Variants in BIRC6 observed in about 807,000 individuals in gnomAD.
BIRC6 encodes dual E2 ubiquitin-conjugating enzyme/E3 ubiquitin-protein ligase BIRC6.
A neutral mutation model predicts 503.3 loss-of-function variants in BIRC6; 98 were observed. That is an observed-to-expected ratio of 0.19 (90% CI 0.17 to 0.23). The LOEUF (loss-of-function observed/expected upper bound fraction) is 0.23, where lower values mean the gene tolerates loss of function less well. BIRC6 is among the 10% of genes least tolerant of loss of function. The pLI, the probability that BIRC6 is intolerant of heterozygous loss-of-function variation, is 1.00. For synonymous variants in BIRC6, 2,240 were observed against 2,078.7 expected (o/e 1.08, Z -2.11); for missense variants, 5,360 against 5,806.0 (o/e 0.92, Z 2.50).
At chr2:32,458,359 C>T (rs1030599740) in intron 23 of BIRC6, among the ~76,000 whole-genome samples, 2 of 152,104 alleles carry the variant, frequency 1.3e-5, no homozygotes, top group African/African-American at 4.8e-5. Flanking sequence ...AGGGAAATAG[C>T]CAGTTAACTC....
intron 10 of BIRC6, among the ~76,000 whole-genome samples, chr2:32,422,578 A>G (rs1204814655): frequency 6.6e-6 from 1 of 152,144 alleles, no homozygotes; most frequent in Non-Finnish European, 1.5e-5. Flanking sequence ...CCTACAGATA[A>G]TTGTTACTCA....
intron 21 of BIRC6, among the ~76,000 whole-genome samples, chr2:32,447,537 T>C (rs2046175941): frequency 9.4e-6 from 1 of 106,436 alleles, no homozygotes; most frequent in Non-Finnish European, 1.9e-5. Context: ...GGTCCTCACT[T>C]CCCAGTAGGG....
chr2:32,558,681 A>C (rs1348775275), intron 65 of BIRC6: 1 of 152,236 alleles, frequency 6.6e-6, no homozygotes, highest in East Asian at 1.9e-4. Context: ...GTAAAGTGTT[A>C]TCAGATATGT....
At chr2:32,571,494 G>A (rs1463478150) in intron 65 of BIRC6, among the ~76,000 whole-genome samples, 2 of 148,298 alleles carry the variant, frequency 1.3e-5, no homozygotes, top group East Asian at 2.0e-4. Flanking sequence ...TCAGGAGGTT[G>A]TATGTTTCCA....
At chr2:32,409,846 TTAGAAATTCTGAAATAGGTAGAG>T (rs2041658387) in intron 9 of BIRC6, among the ~76,000 whole-genome samples, 1 of 152,192 alleles carries the variant, frequency 6.6e-6, no homozygotes, top group South Asian at 2.1e-4. Flanking sequence ...CTAGTAGGTT[TTAGAAATTCTGAAATAGGTAGAG>T]TTGACAAGTT....
chr2:32,471,476 T>C (rs2049092869), intron 32 of BIRC6, among the ~76,000 whole-genome samples: 1 of 152,190 alleles, frequency 6.6e-6, no homozygotes, highest in Non-Finnish European at 1.5e-5. Context: ...TTTCTTAGTA[T>C]GATGTGTCAT....
At chr2:32,510,704 C>A in intron 53 of BIRC6, 70 bp downstream of exon 53, 2 of 1,086,682 alleles carry the variant, frequency 1.8e-6, no homozygotes, top group South Asian at 2.6e-5. Flanking sequence ...ATGTTTCTGA[C>A]AGTTTTTCCT....
At chr2:32,429,356 T>C (rs2043856100) in intron 11 of BIRC6, 61 bp downstream of exon 11, 1 of 1,254,644 alleles carries the variant, frequency 8.0e-7, no homozygotes, top group Non-Finnish European at 1.1e-6. Context: ...ATCATTTTTC[T>C]AGTTGTTGGA....
intron 66 of BIRC6, among the ~76,000 whole-genome samples, chr2:32,591,816 G>T (rs888082682): frequency 6.6e-6 from 1 of 152,076 alleles, no homozygotes; most frequent in African/African-American, 2.4e-5. Flanking sequence ...GTCAAGACCT[G>T]GTAATAGAGA....
chr2:32,607,691 A>G (rs774233743), intron 72 of BIRC6, 48 bp downstream of exon 72: 11 of 1,499,556 alleles, frequency 7.3e-6, no homozygotes, highest in Admixed American at 1.9e-5. Flanking sequence ...ACATTTTACA[A>G]TATAGGCTGG....
chr2:32,401,613 G>A lies in BIRC6; in HGVS notation c.1408G>A (p.Glu470Lys). The A allele has an allele frequency of 1.9e-6, 3 of 1,612,894 alleles. No individual in the cohort carries two copies. Among genetic ancestry groups the A allele is most frequent in the Non-Finnish European group, 2.5e-6 (3 of 1,179,600 alleles). ...SSSCSDIPKLEGDSDDLLEDS... is the reference protein window; with the variant it reads ...SSSCSDIPKLKGDSDDLLEDS... ...TAGTTGCTCAGATATACCAAAATTG[G>A]AAGGAGATAGGTATGTGAGTTTGTT... The change falls in exon 8 of 74, where the codon GAA (glutamate) becomes AAA (lysine). Residue 470 changes from glutamate (E) to lysine (K), a missense_variant. Coordinates refer to ENST00000421745, the MANE Select transcript of BIRC6 (RefSeq NM_016252.4).
Position 32,476,245 on chromosome 2 carries a change from A to G in BIRC6, c.6753A>G (p.Ala2251=), listed in dbSNP as rs1048818567. The change falls in exon 34 of 74, where the codon GCA becomes GCG. Residue 2251 remains alanine (A), a synonymous_variant. Transcript: ENST00000421745. ...QLNLLKAKQK[A]LVEQMEKEKI... is the part of the protein sequence containing the mutation. The stretch of plus-strand genomic sequence containing the variant: ...ACCTACTAAAAGCAAAGCAGAAGGC[A>G]TTGGTAGAACAGATGGAAAAAGAAA... 1 of 1,552,206 alleles carries G rather than the reference A, an allele frequency of 6.4e-7. No individual in the cohort carries two copies. Among genetic ancestry groups the G allele is most frequent in the Non-Finnish European group, 8.7e-7 (1 of 1,147,060 alleles).
At chr2:32,507,160 T>G (rs945756689) in intron 50 of BIRC6, among the ~76,000 whole-genome samples, 6 of 152,126 alleles carry the variant, frequency 3.9e-5, no homozygotes, top group Non-Finnish European at 8.8e-5. Flanking sequence ...CTGGGCGCAG[T>G]GGGTCACACC....
chr2:32,503,158 G>A lies in BIRC6; in HGVS notation c.9421G>A (p.Val3141Ile). The change falls in exon 49 of 74, where the codon GTT becomes ATT. Residue 3141 changes from valine (V) to isoleucine (I), a missense_variant. Physicochemically the swap from Val to Ile is conservative, Grantham distance 29 (BLOSUM62 3). Around this residue, in one of 16 missense-constraint regions of BIRC6, gnomAD observed 267 missense variants for 287.6 expected, o/e 0.93. Transcript: ENST00000421745. ...TCTTGACTCTGGTCCAAATAAAGCT[G>A]TTGACAGCACATTGAAAACAAGAAT... ...KFLDSGPNKAVDSTLKTRILA... is the reference protein window; with the variant it reads ...KFLDSGPNKAIDSTLKTRILA... 1 of 1,612,842 alleles carries A rather than the reference G, an allele frequency of 6.2e-7. No individual in the cohort carries two copies. The highest frequency in any genetic ancestry group is 8.5e-7 in the Non-Finnish European group (1 of 1,179,408).
intron 22 of BIRC6, among the ~76,000 whole-genome samples, chr2:32,450,425 G>A (rs1055840444): frequency 1.3e-5 from 2 of 151,946 alleles, no homozygotes; most frequent in Non-Finnish European, 2.9e-5. Context: ...TAGCGTCACT[G>A]CACTCCAGCC....
At chr2:32,529,482 A>G in intron 59 of BIRC6, 169 bp from the exon 60 acceptor site, 2 of 578,834 alleles carry the variant, frequency 3.5e-6, no homozygotes, top group South Asian at 3.0e-5. Context: ...TATGTCAGAA[A>G]TAAACTCACT....
Position 32,416,004 on chromosome 2 carries a change from A to C in BIRC6, c.2713A>C (p.Ile905Leu), listed in dbSNP as rs780802846. 1.2e-6 allele frequency: 2 copies of C among 1,613,976 alleles called. No individual in the cohort carries two copies. Among genetic ancestry groups the C allele is most frequent in the Non-Finnish European group, 1.7e-6 (2 of 1,179,882 alleles). ...SDISTLGHLV[I>L]TTQGGYVKIL... ...CATTTCTACTCTTGGACACCTGGTAATAACCACTCAGGGAGGATATGTAAA... is the reference window on the plus strand; with the variant it reads ...CATTTCTACTCTTGGACACCTGGTACTAACCACTCAGGGAGGATATGTAAA... Residue 905 changes from isoleucine to leucine, a missense_variant, in exon 10 of 74, where the codon ATA becomes CTA. By Grantham distance (5) the Ile-to-Leu change is conservative. This residue lies in a region of BIRC6 where 700 missense variants were observed against 739.3 expected (regional missense o/e 0.95). Transcript: ENST00000421745.
intron 39 of BIRC6, among the ~76,000 whole-genome samples, chr2:32,484,604 C>T (rs983241854): frequency 6.6e-6 from 1 of 150,806 alleles, no homozygotes; most frequent in South Asian, 2.1e-4. Flanking sequence ...ATAGTTTATT[C>T]GTTCAGTTTT....
chr2:32,571,039 G>C (rs1240928058), intron 65 of BIRC6, among the ~76,000 whole-genome samples: 1 of 151,888 alleles, frequency 6.6e-6, no homozygotes, highest in African/African-American at 2.4e-5. Flanking sequence ...TCGATCTCTT[G>C]GTCTCAAGTG....
Sources: allele counts gnomAD v4.1 joint callset (sites outside exome capture counted in the v4.1 genomes callset), GRCh38; gene constraint gnomAD v4.1.1; regional missense constraint gnomAD v4.1.1; transcripts MANE v1.5; gene names NCBI Gene and HGNC (gene_info 2026-07-23, HGNC 2026-07-21).